Variants in DIP2C observed in about 807,000 individuals in gnomAD.
DIP2C encodes DIP2 acetate--CoA ligase C (putative).
DIP2C carries 33 observed loss-of-function variants against 192.4 expected under a neutral mutation model. The observed-to-expected ratio is 0.17, with a 90% CI of 0.13 to 0.23. The LOEUF (loss-of-function observed/expected upper bound fraction) is 0.23, where lower values mean the gene tolerates loss of function less well. DIP2C is among the 10% of genes least tolerant of loss of function. DIP2C has a pLI of 1.00. For missense variants in DIP2C, 1,537 were observed against 2,110.1 expected, an observed-to-expected ratio of 0.73 and a Z score of 5.32; for synonymous variants, 979 against 864.1, an observed-to-expected ratio of 1.13 and a Z score of -2.33.
At chr10:400,021 T>C (rs1426417432) in intron 9 of DIP2C, among the ~76,000 whole-genome samples, 1 of 152,202 alleles carries the variant, frequency 6.6e-6, no homozygotes, top group Non-Finnish European at 1.5e-5. Flanking sequence ...AATTACCAAG[T>C]AATATTGGTA....
At chr10:399,350 G>C (rs1206462267) in intron 9 of DIP2C, 131 bp from the exon 10 acceptor site, 4 of 649,968 alleles carry the variant, frequency 6.2e-6, no homozygotes, top group African/African-American at 3.6e-5. Context: ...ATGCATTTCA[G>C]TAAGCTGTGT....
At chr10:303,827 GT>G (rs1195803261) in intron 32 of DIP2C, among the ~76,000 whole-genome samples, 5 of 152,134 alleles carry the variant, frequency 3.3e-5, no homozygotes, top group Admixed American at 6.5e-5. Context: ...CTGGCCGAAA[GT>G]TTTTTACTTT....
chr10:300,186 G>A (rs184749263), intron 32 of DIP2C, among the ~76,000 whole-genome samples: 63 of 152,310 alleles, frequency 4.1e-4, no homozygotes, highest in African/African-American at 1.5e-3. Context: ...CTGAAACCAG[G>A]TCTTGAACAG....
At chr10:583,430 C>T (rs1216328251) in intron 1 of DIP2C, among the ~76,000 whole-genome samples, 2 of 152,228 alleles carry the variant, frequency 1.3e-5, no homozygotes, top group Non-Finnish European at 2.9e-5. Flanking sequence ...AGGTCCTTTA[C>T]GGAAGGTTCA....
rs529678884 is a variant in DIP2C, at chr10:671,838, C to T, written c.85+17656G>A. ...GGACGGAGGAAACGCCACAGACGCACGGAAGGAGGAAACAGGCCACAGACA... is the reference window on the plus strand; with the variant it reads ...GGACGGAGGAAACGCCACAGACGCATGGAAGGAGGAAACAGGCCACAGACA... On this transcript the variant is annotated intron_variant, in intron 1 of 36. Coordinates refer to ENST00000280886, the MANE Select transcript of DIP2C (RefSeq NM_014974.3). 3.8e-3 allele frequency among the ~76,000 whole-genome samples: 547 copies of T among 143,048 alleles called. 3 individuals carry two copies. The highest frequency in any genetic ancestry group is 0.013 in the African/African-American group (481 of 37,134). 93.8% of individuals were successfully genotyped at this position (143,048 alleles called of 152,430 possible). A position where few individuals can be genotyped will look rare whatever the true frequency, so the allele number is the denominator to read the frequency against.
At chr10:413,877 G>C (rs749411767) in intron 8 of DIP2C, 36 bp downstream of exon 8, 1 of 1,599,288 alleles carries the variant, frequency 6.3e-7, no homozygotes, top group South Asian at 1.1e-5. Flanking sequence ...TGTGCGAGGG[G>C]GTGGGCAAAG....
At chr10:656,839 G>A (rs1301118647) in intron 1 of DIP2C, among the ~76,000 whole-genome samples, 1 of 152,168 alleles carries the variant, frequency 6.6e-6, no homozygotes, top group African/African-American at 2.4e-5. Context: ...GCTGAGGGTC[G>A]ATCCCAATTC....
intron 4 of DIP2C, among the ~76,000 whole-genome samples, chr10:438,976 C>G (rs1186503757): frequency 6.6e-6 from 1 of 152,108 alleles, no homozygotes; most frequent in Non-Finnish European, 1.5e-5. Flanking sequence ...TGTACACCAC[C>G]AGGCCCAGCT....
chr10:513,595 C>T (rs571723906), intron 1 of DIP2C, among the ~76,000 whole-genome samples: 7 of 148,778 alleles, frequency 4.7e-5, no homozygotes, highest in African/African-American at 1.5e-4. Context: ...GCCTGCAATT[C>T]ACCCTGTACC....
intron 1 of DIP2C, among the ~76,000 whole-genome samples, chr10:605,970 C>T (rs971210409): frequency 1.4e-4 from 21 of 152,190 alleles, no homozygotes; most frequent in African/African-American, 5.1e-4. Context: ...GTCCCACTTG[C>T]GAGACGTTCC....
chr10:339,459 T>G (rs899527568), intron 29 of DIP2C, among the ~76,000 whole-genome samples: 1 of 150,898 alleles, frequency 6.6e-6, no homozygotes, highest in Non-Finnish European at 1.5e-5. Flanking sequence ...TTATTGTGGG[T>G]TCACACGGAG....
chr10:436,293 G>C (rs1045066896), intron 4 of DIP2C, among the ~76,000 whole-genome samples: 4 of 152,248 alleles, frequency 2.6e-5, no homozygotes, highest in Non-Finnish European at 5.9e-5. Context: ...AGCACGCTCA[G>C]GATCCCATAA....
At chr10:404,037 T>A (rs1408881737) in intron 9 of DIP2C, among the ~76,000 whole-genome samples, 2 of 149,108 alleles carry the variant, frequency 1.3e-5, no homozygotes, top group African/African-American at 2.5e-5. Flanking sequence ...TTAGCATTAC[T>A]CTTCCTTATG....
intron 32 of DIP2C, among the ~76,000 whole-genome samples, chr10:288,858 G>A (rs892873895): frequency 3.3e-5 from 5 of 152,236 alleles, no homozygotes; most frequent in East Asian, 1.9e-4. Flanking sequence ...CCAAGACAGC[G>A]CGTGCATCGC....
chr10:526,207 C>T (rs1847041575), intron 1 of DIP2C, among the ~76,000 whole-genome samples: 1 of 152,174 alleles, frequency 6.6e-6, no homozygotes, highest in Admixed American at 6.5e-5. Context: ...GCTCACCACT[C>T]ACAAAGCCCA....
intron 4 of DIP2C, among the ~76,000 whole-genome samples, chr10:440,496 C>T (rs953922360): frequency 6.6e-6 from 1 of 152,170 alleles, no homozygotes; most frequent in Non-Finnish European, 1.5e-5. Flanking sequence ...CAATATAGCA[C>T]ATTTATATGA....
intron 28 of DIP2C, 64 bp from the exon 29 acceptor site, chr10:341,393 C>A (rs1388179360): frequency 6.2e-7 from 1 of 1,603,460 alleles, no homozygotes; most frequent in Non-Finnish European, 8.5e-7. Context: ...CGGGACAATA[C>A]GGGGCTGCAG....
At chr10:308,852 T>C (rs779814358) in intron 32 of DIP2C, among the ~76,000 whole-genome samples, 26 of 152,172 alleles carry the variant, frequency 1.7e-4, no homozygotes, top group Non-Finnish European at 3.7e-4. Flanking sequence ...CGGGCGTGGC[T>C]CCTGGCCCTG....
chr10:559,734 A>C (rs559528181), intron 1 of DIP2C, among the ~76,000 whole-genome samples: 1 of 152,190 alleles, frequency 6.6e-6, no homozygotes, highest in East Asian at 1.9e-4. Flanking sequence ...TGCACCATGC[A>C]CAAGCCCTCA....
Sources: allele counts gnomAD v4.1 joint callset (sites outside exome capture counted in the v4.1 genomes callset), GRCh38; gene constraint gnomAD v4.1.1; transcripts MANE v1.5; gene names NCBI Gene and HGNC (gene_info 2026-07-23, HGNC 2026-07-21).